The following TRPM3 variants were observed in gnomAD, a reference collection of about 807,000 sequenced individuals.
TRPM3 encodes the protein transient receptor potential cation channel subfamily M member 3.
Under a neutral mutation model 181.2 loss-of-function variants are expected in TRPM3, and 77 were observed. That is an observed-to-expected ratio of 0.42 (90% CI 0.35 to 0.51). The LOEUF is 0.51. Ranked by LOEUF, TRPM3 falls within the 20% of genes least tolerant of loss-of-function variation. The pLI, the probability that TRPM3 is intolerant of heterozygous loss-of-function variation, is 0.01. For synonymous variants in TRPM3, 745 were observed against 796.4 expected (o/e 0.94, Z 1.09); for missense variants, 1,759 against 2,196.7 (o/e 0.80, Z 3.98).
At chr9:70,964,126 C>T (rs1372594282) in intron 1 of TRPM3, among the ~76,000 whole-genome samples, 4 of 152,012 alleles carry the variant, frequency 2.6e-5, no homozygotes, top group Non-Finnish European at 4.4e-5. Context: ...GCATACGCTG[C>T]CTGGGTATTT....
At chr9:71,316,081 TA>T (rs2088557847) in intron 1 of TRPM3, among the ~76,000 whole-genome samples, 2 of 152,306 alleles carry the variant, frequency 1.3e-5, no homozygotes, top group South Asian at 4.1e-4. Flanking sequence ...TTACATCTGC[TA>T]CCCAGATTGG....
rs1356554455 is a variant in TRPM3, at chr9:70,535,747, T to G, written c.*206A>C. 1.4e-6 allele frequency: 2 copies of G among 1,450,402 alleles called. No individual in the cohort carries two copies. Among genetic ancestry groups the G allele is most frequent in the African/African-American group, 2.8e-5 (2 of 70,246 alleles). The allele number at this position is 1,450,402 out of a possible 1,614,324, so 89.8% of individuals were successfully genotyped here. A position where few individuals can be genotyped will look rare whatever the true frequency, so the allele number is the denominator to read the frequency against. ...CCAGCAAGTGTGAACATGCCTTAAA[T>G]CCCCTGTGTCTGGCACTGGGTCAGA... On this transcript the variant is annotated 3_prime_UTR_variant, in exon 26 of 26. Transcript: ENST00000677713.
intron 1 of TRPM3, among the ~76,000 whole-genome samples, chr9:71,057,249 T>C (rs922992597): frequency 6.6e-6 from 1 of 152,022 alleles, no homozygotes; most frequent in African/African-American, 2.4e-5. Context: ...TGGGCACATT[T>C]AACTGAAACT....
intron 1 of TRPM3, among the ~76,000 whole-genome samples, chr9:71,217,175 C>T (rs914801279): frequency 1.3e-5 from 2 of 151,644 alleles, no homozygotes; most frequent in African/African-American, 2.4e-5. Context: ...TGGTCTCGAT[C>T]TCCTGACCTC....
At chr9:71,330,922 C>A (rs528209342) in intron 1 of TRPM3, among the ~76,000 whole-genome samples, 1 of 151,910 alleles carries the variant, frequency 6.6e-6, no homozygotes, top group East Asian at 1.9e-4. Context: ...GGCCTAGATA[C>A]GTCTCCATTT....
chr9:71,234,584 T>C (rs1308757539), intron 1 of TRPM3, among the ~76,000 whole-genome samples: 10 of 152,172 alleles, frequency 6.6e-5, no homozygotes, highest in African/African-American at 2.2e-4. Flanking sequence ...TAAATGGTCT[T>C]CTCTCGGCGT....
intron 1 of TRPM3, among the ~76,000 whole-genome samples, chr9:71,165,147 T>TCTTCACAC (rs2076477923): frequency 1.3e-5 from 2 of 152,180 alleles, no homozygotes; most frequent in African/African-American, 4.8e-5. Context: ...CAGCTTCACC[T>TCTTCACAC]CTTATCAGCT....
intron 22 of TRPM3, among the ~76,000 whole-genome samples, chr9:70,576,480 TCTCCTCCTC>T (rs760840409): frequency 2.1e-5 from 3 of 139,906 alleles, no homozygotes; most frequent in East Asian, 2.0e-4. Context: ...TTCTTCTTCT[TCTCCTCCTC>T]CTCCTCCTCC....
intron 1 of TRPM3, among the ~76,000 whole-genome samples, chr9:70,956,960 TC>T (rs1474442279): frequency 1.3e-4 from 10 of 74,540 alleles, no homozygotes; most frequent in African/African-American, 2.7e-4. Flanking sequence ...TTTCTTTCTT[TC>T]TTTTTTTTTT....
At chr9:71,136,701 A>T (rs1031093672) in intron 1 of TRPM3, among the ~76,000 whole-genome samples, 1 of 152,172 alleles carries the variant, frequency 6.6e-6, no homozygotes, top group Non-Finnish European at 1.5e-5. Flanking sequence ...GCACAGGAAC[A>T]GTAGCCTCAG....
intron 1 of TRPM3, among the ~76,000 whole-genome samples, chr9:71,033,170 G>C (rs772755195): frequency 6.6e-6 from 1 of 152,204 alleles, no homozygotes; most frequent in African/African-American, 2.4e-5. Context: ...AGCCCTTAAA[G>C]CAAAAGGAAA....
At position 70,809,262 on chromosome 9, in the gene TRPM3, G is replaced by A. The variant is rs1307708157; in HGVS notation, c.973+18585C>T. ...AAGTAAAAAAGTTACAGTCAGCTAA[G>A]GTTAATTTAGTTTTGAAGAAATAAA... On this transcript the variant is annotated intron_variant, in intron 6 of 25. Transcript: ENST00000677713. Among the ~76,000 whole-genome samples, 25 of 152,156 alleles carry A rather than the reference G, an allele frequency of 1.6e-4. No individual in the cohort carries two copies. In the East Asian group the frequency reaches 3.7e-3, roughly 22 times the overall value.
chr9:70,796,430 A>C (rs1380356218), intron 6 of TRPM3, among the ~76,000 whole-genome samples: 3 of 152,180 alleles, frequency 2.0e-5, no homozygotes, highest in African/African-American at 7.2e-5. Flanking sequence ...AATTACTTCT[A>C]CCTGTCCCAA....
intron 1 of TRPM3, among the ~76,000 whole-genome samples, chr9:71,254,987 C>CA (rs1251181915): frequency 6.6e-6 from 1 of 152,206 alleles, no homozygotes; most frequent in Non-Finnish European, 1.5e-5. Flanking sequence ...AGCAAAGCCA[C>CA]ATCCAGTTTT....
At chr9:70,645,026 G>T (rs1390294527) in intron 9 of TRPM3, among the ~76,000 whole-genome samples, 8 of 152,116 alleles carry the variant, frequency 5.3e-5, no homozygotes, top group Admixed American at 5.2e-4. Context: ...TGTTCAAGGA[G>T]AACTATAAAC....
intron 3 of TRPM3, among the ~76,000 whole-genome samples, chr9:70,848,318 A>G (rs1312203184): frequency 6.6e-6 from 1 of 152,186 alleles, no homozygotes; most frequent in East Asian, 1.9e-4. Context: ...TGCAGCCAGG[A>G]AAACAAAGGA....
At chr9:71,255,559 G>A (rs1455825313) in intron 1 of TRPM3, among the ~76,000 whole-genome samples, 4 of 152,112 alleles carry the variant, frequency 2.6e-5, no homozygotes, top group Non-Finnish European at 5.9e-5. Context: ...ATATACAAAT[G>A]TAAGGTAAAA....
intron 1 of TRPM3, among the ~76,000 whole-genome samples, chr9:71,328,492 T>C (rs1333558820): frequency 6.6e-6 from 1 of 152,132 alleles, no homozygotes; most frequent in Non-Finnish European, 1.5e-5. Flanking sequence ...TCCCCACATA[T>C]GTGGAAGCTC....
chr9:70,773,934 A>G (rs1395204145), intron 7 of TRPM3, among the ~76,000 whole-genome samples: 1 of 152,208 alleles, frequency 6.6e-6, no homozygotes. Context: ...GGTATCTATA[A>G]GATTTTGGCT....
Sources: allele counts gnomAD v4.1 joint callset (sites outside exome capture counted in the v4.1 genomes callset), GRCh38; gene constraint gnomAD v4.1.1; transcripts MANE v1.5; gene names NCBI Gene and HGNC (gene_info 2026-07-23, HGNC 2026-07-21).